SPECC1: variants seen among roughly 807,000 people sequenced by gnomAD.
The protein encoded by SPECC1 is sperm antigen with calponin homology and coiled-coil domains 1, also known as cytospin-B.
In SPECC1, 62 loss-of-function variants were observed where a neutral mutation model predicts 104.1. The observed-to-expected ratio is 0.60, with a 90% CI of 0.49 to 0.74. The LOEUF is 0.74. SPECC1 is among the 30% of genes least tolerant of loss of function. The pLI, the probability that SPECC1 is intolerant of heterozygous loss-of-function variation, is 0.00. For missense variants in SPECC1, 1,306 were observed against 1,310.5 expected (o/e 1.00, Z 0.05); for synonymous variants, 513 against 501.6 (o/e 1.02, Z -0.30).
At chr17:20,289,210 C>T (rs1293992552) in intron 12 of SPECC1, among the ~76,000 whole-genome samples, 1 of 152,234 alleles carries the variant, frequency 6.6e-6, no homozygotes, top group Non-Finnish European at 1.5e-5. Flanking sequence ...ATGGGAAAGA[C>T]TGGCCCCCAT....
At chr17:20,073,710 A>C (rs1483865172) in intron 1 of SPECC1, 1 of 152,218 alleles carries the variant, frequency 6.6e-6, no homozygotes, top group Non-Finnish European at 1.5e-5. Flanking sequence ...CAGTAAGTAC[A>C]TCGTTGGTTA....
At chr17:20,040,304 A>G (rs1157637345) in intron 1 of SPECC1, among the ~76,000 whole-genome samples, 2 of 152,196 alleles carry the variant, frequency 1.3e-5, no homozygotes, top group African/African-American at 4.8e-5. Flanking sequence ...GCATACATTT[A>G]GTAGAAGCAC....
chr17:20,041,269 C>G (rs999776586), intron 1 of SPECC1, among the ~76,000 whole-genome samples: 1 of 152,140 alleles, frequency 6.6e-6, no homozygotes, highest in South Asian at 2.1e-4. Flanking sequence ...GAGTTTTGCT[C>G]TTGTTGCCCA....
intron 2 of SPECC1, among the ~76,000 whole-genome samples, chr17:20,106,086 G>A (rs893466571): frequency 3.9e-5 from 6 of 152,182 alleles, no homozygotes; most frequent in Non-Finnish European, 1.5e-5. Context: ...AGAATCCACC[G>A]TGTATGGCTT....
At chr17:20,053,513 A>G (rs2045851273) in intron 1 of SPECC1, among the ~76,000 whole-genome samples, 1 of 152,202 alleles carries the variant, frequency 6.6e-6, no homozygotes, top group Non-Finnish European at 1.5e-5. Context: ...TGTTAGGAGT[A>G]GGTCCATAGT....
intron 1 of SPECC1, among the ~76,000 whole-genome samples, chr17:20,072,814 A>G (rs17685952): frequency 0.031 from 4,663 of 152,306 alleles, 92 homozygotes; most frequent in Non-Finnish European, 0.048. Context: ...GCTTGTGGCA[A>G]TGACTAAGCT....
intron 1 of SPECC1, among the ~76,000 whole-genome samples, chr17:20,090,379 C>T (rs2047351507): frequency 6.6e-6 from 1 of 152,120 alleles, no homozygotes; most frequent in Non-Finnish European, 1.5e-5. Context: ...AAGCCCTGCC[C>T]ACACCTTTGT....
intron 1 of SPECC1, among the ~76,000 whole-genome samples, chr17:20,051,098 TTC>T (rs1401109102): frequency 8.4e-6 from 1 of 119,032 alleles, no homozygotes; most frequent in Non-Finnish European, 1.7e-5. Flanking sequence ...CTTTCTTTCT[TTC>T]TTTCTTTCTT....
chr17:20,136,873 G>A (rs191224365), intron 3 of SPECC1, among the ~76,000 whole-genome samples: 28 of 152,280 alleles, frequency 1.8e-4, no homozygotes, highest in Admixed American at 5.2e-4. Context: ...TTATCTCCGT[G>A]TTTGGGGTTT....
At position 20,090,057 on chromosome 17, in the gene SPECC1, C is replaced by T. The variant is rs114063495; in HGVS notation, c.-21-6574C>T. On this transcript the variant is annotated intron_variant, in intron 1 of 14. Coordinates refer to ENST00000395527, the MANE Select transcript of SPECC1 (RefSeq NM_001243439.2). ...ACAAGGAGAGGCATACGTATGAGACCGTCTCAGACTAGGAGAAGATTTTCT... is the reference window on the plus strand; with the variant it reads ...ACAAGGAGAGGCATACGTATGAGACTGTCTCAGACTAGGAGAAGATTTTCT... Among the ~76,000 whole-genome samples, 623 of 152,280 alleles carry T rather than the reference C, an allele frequency of 4.1e-3. 4 individuals are homozygous for T. The highest frequency in any genetic ancestry group is 0.014 in the African/African-American group (587 of 41,558).
At chr17:20,238,727 C>T (rs1598062105) in intron 7 of SPECC1, 1 of 1,042,118 alleles carries the variant, frequency 9.6e-7, no homozygotes, top group Admixed American at 5.6e-5. Context: ...ATTTAAAATT[C>T]ATTTGCTGGA....
At position 20,062,298 on chromosome 17, in the gene SPECC1, G is replaced by A. The variant is rs146453189; in HGVS notation, c.-21-34333G>A. Reference sequence around the variant, plus strand: ...TTTTGTTCTCCAGTCTAAACATACCGTAACAGTCGTAGCATTAACCTTTGT... The same window carrying A: ...TTTTGTTCTCCAGTCTAAACATACCATAACAGTCGTAGCATTAACCTTTGT... On this transcript the variant is annotated intron_variant, in intron 1 of 14. Coordinates refer to ENST00000395527, the MANE Select transcript of SPECC1 (RefSeq NM_001243439.2). 4.5e-3 allele frequency among the ~76,000 whole-genome samples: 679 copies of A among 151,280 alleles called. 4 individuals are homozygous for A. Among genetic ancestry groups the A allele is most frequent in the African/African-American group, 0.016 (645 of 41,168 alleles).
chr17:20,256,797 A>G (rs2039849321), intron 10 of SPECC1, among the ~76,000 whole-genome samples: 1 of 152,210 alleles, frequency 6.6e-6, no homozygotes, highest in South Asian at 2.1e-4. Flanking sequence ...GAGGATCATT[A>G]GGAGGTCAAG....
chr17:20,246,672 C>G (rs894499332), intron 8 of SPECC1, among the ~76,000 whole-genome samples: 1 of 152,218 alleles, frequency 6.6e-6, no homozygotes, highest in African/African-American at 2.4e-5. Context: ...AGCTATACTT[C>G]ATACATATAC....
intron 1 of SPECC1, chr17:20,017,155 T>G (rs890509686): frequency 2.6e-5 from 4 of 152,326 alleles, no homozygotes; most frequent in Non-Finnish European, 5.9e-5. Context: ...GGTAACGTGC[T>G]GCGGTCGCAT....
At chr17:20,145,171 T>C (rs1325897442) in intron 3 of SPECC1, among the ~76,000 whole-genome samples, 2 of 152,194 alleles carry the variant, frequency 1.3e-5, no homozygotes, top group Non-Finnish European at 2.9e-5. Flanking sequence ...GAAGAACGAG[T>C]GCTTCAGTGG....
In SPECC1 at chr17:20,317,296, TTC is replaced by T. The variant is rs200283797; in HGVS notation, c.*3235_*3236del. 4.8e-4 allele frequency: 68 copies of T among 140,660 alleles called. No homozygotes were observed. The East Asian group carries it at 0.011, about 23-fold the overall frequency. The allele number at this position is 140,660 out of a possible 1,614,324, so 8.7% of individuals were successfully genotyped here. ...TTTTTTTTTTGAGAGAGCGTCTCAC[TTC>T]TCTGTCACCCAGGCTAGAGTAGTGT... On this transcript the variant is annotated 3_prime_UTR_variant, in exon 15 of 15. Coordinates refer to ENST00000395527, the MANE Select transcript of SPECC1 (RefSeq NM_001243439.2).
chr17:20,235,899 G>C (rs569797799), intron 7 of SPECC1, among the ~76,000 whole-genome samples: 2 of 152,166 alleles, frequency 1.3e-5, no homozygotes, highest in Non-Finnish European at 2.9e-5. Context: ...GTGTGGCAGC[G>C]CAGCACGTGC....
chr17:20,160,034 C>T (rs2032993413), intron 3 of SPECC1, among the ~76,000 whole-genome samples: 1 of 152,152 alleles, frequency 6.6e-6, no homozygotes, highest in Non-Finnish European at 1.5e-5. Context: ...AGAAGGTTTT[C>T]CCTAGTCCCA....
Sources: allele counts gnomAD v4.1 joint callset (sites outside exome capture counted in the v4.1 genomes callset), GRCh38; gene constraint gnomAD v4.1.1; transcripts MANE v1.5; gene names NCBI Gene and HGNC (gene_info 2026-07-23, HGNC 2026-07-21).